The following NFIC variants were observed in gnomAD, a reference collection of about 807,000 sequenced individuals.
NFIC encodes nuclear factor 1 C-type.
In NFIC, 12 loss-of-function variants were observed where a neutral mutation model predicts 54.4. The ratio of observed to expected loss-of-function variants is 0.22; its 90% confidence interval spans 0.14 to 0.36. NFIC has a LOEUF of 0.36. Among genes scored for constraint, NFIC ranks in the 10% least tolerant of loss-of-function variants. NFIC has a pLI of 1.00. For synonymous variants in NFIC, 322 were observed against 319.2 expected, an observed-to-expected ratio of 1.01 and a Z score of -0.09; for missense variants, 575 against 718.2, an observed-to-expected ratio of 0.80 and a Z score of 2.28.
At chr19:3,446,144 T>C (rs973288593) in intron 6 of NFIC, among the ~76,000 whole-genome samples, 1 of 152,202 alleles carries the variant, frequency 6.6e-6, no homozygotes, top group African/African-American at 2.4e-5. Flanking sequence ...AAGAAGCTCC[T>C]GACAGGGCAG....
intron 2 of NFIC, among the ~76,000 whole-genome samples, chr19:3,386,380 T>A (rs1203910821): frequency 7.5e-6 from 1 of 133,408 alleles, no homozygotes; most frequent in Non-Finnish European, 1.5e-5. Flanking sequence ...TGGAGTGCAG[T>A]GGCGCGATCT....
chr19:3,444,179 T>TACAA (rs554702500), intron 6 of NFIC, among the ~76,000 whole-genome samples: 1 of 111,682 alleles, frequency 9.0e-6, no homozygotes, highest in Non-Finnish European at 1.9e-5. Context: ...TTTTGTCAAA[T>TACAA]AGAGGAGGTC....
upstream of NFIC, among the ~76,000 whole-genome samples, chr19:3,362,399 CCATGTGGGTCTGTGTGTGTGTGTGTGT>C (rs911446970): frequency 2.3e-4 from 35 of 149,916 alleles, no homozygotes; most frequent in African/African-American, 8.4e-4. Context: ...TGTGTGTGTG[CCATGTGGGTCTGTGTGTGTGTGTGTGT>C]GTCTCTGCTC....
chr19:3,426,524 C>T lies in NFIC; in HGVS notation c.634+1347C>T, dbSNP rs1032665271. ...CCCTTGGCCCCCACCATTTGTCCTT[C>T]TCACTATGGCCAGAGGACACCTGTG... On this transcript the variant is annotated intron_variant, in intron 3 of 10. Coordinates refer to ENST00000443272, the MANE Select transcript of NFIC (RefSeq NM_001245002.2). Among the ~76,000 whole-genome samples, 7 of 152,316 alleles carry T rather than the reference C, an allele frequency of 4.6e-5. 1 individual carries two copies. The highest frequency in any genetic ancestry group is 3.9e-4 in the Admixed American group (6 of 15,294).
chr19:3,409,830 T>C (rs549617062), intron 2 of NFIC, among the ~76,000 whole-genome samples: 2 of 152,320 alleles, frequency 1.3e-5, no homozygotes, highest in South Asian at 4.1e-4. Flanking sequence ...CAGGGTCCAG[T>C]GACATTCTTG....
intron 7 of NFIC, among the ~76,000 whole-genome samples, chr19:3,450,430 C>A (rs951534289): frequency 6.6e-6 from 1 of 151,146 alleles, no homozygotes; most frequent in East Asian, 1.9e-4. Flanking sequence ...CCGAGGCAGG[C>A]GGATCACCTG....
Position 3,375,837 on chromosome 19 carries a change from C to T in NFIC, c.31-5875C>T, listed in dbSNP as rs556345194. ...CTGGCAGCAGCTGCTCTGCCCATCC[C>T]GGCCTGGAAATGGGACCGAGTCCAG... On this transcript the variant is annotated intron_variant, in intron 1 of 10. Transcript: ENST00000443272. This position sits in a 1 kb window ranked among gnomAD's most constrained non-coding sequence, Gnocchi z 4.6. 2.0e-4 allele frequency among the ~76,000 whole-genome samples: 30 copies of T among 152,292 alleles called. No homozygotes were observed. Among genetic ancestry groups the T allele is most frequent in the Admixed American group, 1.1e-3 (17 of 15,302 alleles).
intron 2 of NFIC, among the ~76,000 whole-genome samples, chr19:3,404,420 C>T (rs1442705842): frequency 2.0e-5 from 3 of 151,964 alleles, no homozygotes; most frequent in South Asian, 2.1e-4. Context: ...GGGGAGGGGG[C>T]GCGGAGGCGT....
At chr19:3,376,428 CAAAAAAAA>C (rs35724239) in intron 1 of NFIC, among the ~76,000 whole-genome samples, 3 of 48,188 alleles carry the variant, frequency 6.2e-5, no homozygotes, top group East Asian at 1.2e-3. Flanking sequence ...GACACTGTCT[CAAAAAAAA>C]AAAAAAAAAA....
intron 2 of NFIC, among the ~76,000 whole-genome samples, chr19:3,400,796 T>C (rs1039018231): frequency 6.6e-6 from 1 of 152,156 alleles, no homozygotes; most frequent in Admixed American, 6.5e-5. Flanking sequence ...GAGCCGAGAT[T>C]GTACCACTAC....
At chr19:3,393,097 C>T (rs1235487280) in intron 2 of NFIC, among the ~76,000 whole-genome samples, 1 of 152,138 alleles carries the variant, frequency 6.6e-6, no homozygotes, top group Non-Finnish European at 1.5e-5. Flanking sequence ...CCCGCCACCA[C>T]ACCCAGCTAA....
chr19:3,382,252 TGGTGGCCTGAGCGGAGCGGCCAGC>T lies in NFIC; in HGVS notation c.562+12_562+35del. 6.3e-7 allele frequency: 1 copy of T among 1,597,606 alleles called. No homozygotes were observed. Among genetic ancestry groups the T allele is most frequent in the Non-Finnish European group, 8.5e-7 (1 of 1,177,628 alleles). ...CTTCGTGCGTGAGCGAGGTGAGGTG[TGGTGGCCTGAGCGGAGCGGCCAGC>T]GGGGAGGGTGTCTGATGGTGGTGAC... On this transcript the variant is annotated intron_variant, in intron 2 of 10. Coordinates refer to ENST00000443272, the MANE Select transcript of NFIC (RefSeq NM_001245002.2).
intron 3 of NFIC, among the ~76,000 whole-genome samples, chr19:3,425,803 G>A (rs904867206): frequency 6.6e-6 from 1 of 151,698 alleles, no homozygotes; most frequent in African/African-American, 2.4e-5. Flanking sequence ...TGCCCAGGCT[G>A]GAGTGCAGTG....
intron 2 of NFIC, among the ~76,000 whole-genome samples, chr19:3,406,442 G>C (rs890899091): frequency 7.9e-5 from 12 of 151,132 alleles, no homozygotes; most frequent in African/African-American, 2.4e-4. Context: ...TGCTCAAGCT[G>C]GTCTCGAACT....
chr19:3,367,598 A>G (rs1568395980), intron 1 of NFIC, among the ~76,000 whole-genome samples: 1 of 151,526 alleles, frequency 6.6e-6, no homozygotes, highest in Non-Finnish European at 1.5e-5. Context: ...CCCCCCGGGG[A>G]CTCCTTCCAG....
intron 6 of NFIC, 86 bp from the exon 7 acceptor site, chr19:3,448,928 A>G (rs1425908505): frequency 2.0e-6 from 3 of 1,513,074 alleles, no homozygotes; most frequent in East Asian, 2.3e-5. Context: ...GAGGCTTCCT[A>G]TCCCTTCGGA....
chr19:3,384,049 G>T (rs11668195), intron 2 of NFIC, among the ~76,000 whole-genome samples: 4,090 of 132,804 alleles, frequency 0.031, 96 homozygotes, highest in South Asian at 0.1. Context: ...GTTACCCAGT[G>T]TTTTTTTTTT....
chr19:3,417,050 AT>A (rs71164695), intron 2 of NFIC, among the ~76,000 whole-genome samples: 1 of 150,312 alleles, frequency 6.7e-6, no homozygotes, highest in African/African-American at 2.4e-5. Flanking sequence ...GGCCCAGCTA[AT>A]TTTTTTTGTA....
Position 3,367,924 on chromosome 19 carries a change from G to C in NFIC, c.30+1258G>C, listed in dbSNP as rs142194585. Among the ~76,000 whole-genome samples, 886 of 152,298 alleles carry C rather than the reference G, an allele frequency of 5.8e-3. 3 individuals are homozygous for C. The highest frequency in any genetic ancestry group is 0.015 in the South Asian group (70 of 4,826). On this transcript the variant is annotated intron_variant, in intron 1 of 10. Transcript: ENST00000443272. ...CACGCCAGGCATGCTCCTTGGTAGG[G>C]TCTTTCTCACCGGCCCCCTGCAGCC...
Sources: gnomAD v4.1 joint callset for allele counts (sites outside exome capture counted in the v4.1 genomes callset) on GRCh38, gnomAD v4.1.1 for gene constraint, Gnocchi (gnomAD v3.1) non-coding constraint, MANE v1.5 for transcripts, NCBI Gene and HGNC (gene_info 2026-07-23, HGNC 2026-07-21) for gene names.